The following SHROOM3 variants were observed in gnomAD, a reference collection of about 807,000 sequenced individuals.
SHROOM3 encodes protein Shroom3.
Under a neutral mutation model 138.6 loss-of-function variants are expected in SHROOM3, and 47 were observed. The ratio of observed to expected loss-of-function variants is 0.34; its 90% CI spans 0.27 to 0.43. The LOEUF is 0.43. Ranked by LOEUF, SHROOM3 falls within the 20% of genes least tolerant of loss-of-function variation. The pLI, the probability that SHROOM3 is intolerant of heterozygous loss-of-function variation, is 1.00. For synonymous variants in SHROOM3, 1,062 were observed against 1,063.3 expected, an observed-to-expected ratio of 1.00 and a Z score of 0.02; for missense variants, 2,491 against 2,596.5, an observed-to-expected ratio of 0.96 and a Z score of 0.88.
At chr4:76,746,290 C>T (rs952133279) in intron 5 of SHROOM3, among the ~76,000 whole-genome samples, 18 of 152,316 alleles carry the variant, frequency 1.2e-4, no homozygotes, top group African/African-American at 4.1e-4. Flanking sequence ...AGTCATGCAT[C>T]ATATAATGGT....
At chr4:76,771,469 T>C (rs1722355461) in intron 10 of SHROOM3, among the ~76,000 whole-genome samples, 1 of 152,104 alleles carries the variant, frequency 6.6e-6, no homozygotes, top group Admixed American at 6.5e-5. Flanking sequence ...CTCCCAACTG[T>C]CTTCCTTCCT....
At chr4:76,649,796 T>C (rs1223017747) in intron 2 of SHROOM3, among the ~76,000 whole-genome samples, 1 of 152,190 alleles carries the variant, frequency 6.6e-6, no homozygotes, top group Non-Finnish European at 1.5e-5. Context: ...TGATTGTAAT[T>C]AGCACAACCT....
In SHROOM3 at chr4:76,782,975, G is replaced by A. The variant is rs1722771157; in HGVS notation, c.*3798G>A. 1 of 152,128 alleles carries A rather than the reference G, an allele frequency of 6.6e-6. No homozygotes were observed. Among genetic ancestry groups the A allele is most frequent in the Non-Finnish European group, 1.5e-5 (1 of 68,022 alleles). 9.4% of individuals were successfully genotyped at this position (152,128 alleles called of 1,614,324 possible). On this transcript the variant is annotated 3_prime_UTR_variant, in exon 11 of 11. Transcript: ENST00000296043. ...ACTAAATAATGGTTTCTCAAAGTGT[G>A]GTCAGGATACGATCTGCATCAGAAT...
chr4:76,719,535 A>C (rs1208391523), intron 3 of SHROOM3, among the ~76,000 whole-genome samples: 4 of 152,242 alleles, frequency 2.6e-5, no homozygotes, highest in African/African-American at 9.6e-5. Context: ...TAGATATTAC[A>C]ATGTTTGCAT....
intron 3 of SHROOM3, among the ~76,000 whole-genome samples, chr4:76,726,871 T>C (rs1720719218): frequency 6.6e-6 from 1 of 152,170 alleles, no homozygotes; most frequent in Non-Finnish European, 1.5e-5. Context: ...GTGGAGCCTG[T>C]GGAATTTATC....
chr4:76,738,723 A>T (rs1417660737), intron 4 of SHROOM3, 38 bp from the exon 5 acceptor site: 3 of 1,611,412 alleles, frequency 1.9e-6, no homozygotes, highest in Non-Finnish European at 2.5e-6. Context: ...CTAAATGATA[A>T]CAGCTCAGTG....
chr4:76,725,355 T>A lies in SHROOM3; in HGVS notation c.456-5449T>A, dbSNP rs368031346. ...TTTTATCTGTACTGTAGGAATTATT[T>A]CATTTGCTCTTTCCTGCAGAATGTA... On this transcript the variant is annotated intron_variant, in intron 3 of 10. Transcript: ENST00000296043. Among the ~76,000 whole-genome samples the A allele has an allele frequency of 2.0e-5, 3 of 152,338 alleles. No homozygotes were observed. The East Asian group carries it at 5.8e-4, about 29-fold the overall frequency.
chr4:76,778,698 A>G (rs917707833), intron 10 of SHROOM3, 111 bp from the exon 11 acceptor site: 30 of 1,448,556 alleles, frequency 2.1e-5, no homozygotes, highest in Non-Finnish European at 2.7e-5. Context: ...GAGTGACAAT[A>G]GGAATAGAGC....
chr4:76,549,463 G>A (rs915380228), intron 1 of SHROOM3, among the ~76,000 whole-genome samples: 1 of 151,908 alleles, frequency 6.6e-6, no homozygotes, highest in African/African-American at 2.4e-5. Context: ...GTGCCTCCTG[G>A]GTTCAAATGA....
intron 1 of SHROOM3, among the ~76,000 whole-genome samples, chr4:76,540,423 T>G (rs1392341651): frequency 6.6e-6 from 1 of 152,156 alleles, no homozygotes; most frequent in African/African-American, 2.4e-5. Context: ...TACTAAAAAA[T>G]CATAAACTTT....
intron 2 of SHROOM3, among the ~76,000 whole-genome samples, chr4:76,673,498 A>C (rs1167277729): frequency 1.3e-5 from 2 of 152,280 alleles, no homozygotes; most frequent in African/African-American, 4.8e-5. Context: ...ATAAAGAGAA[A>C]GGATGTTTAA....
At chr4:76,451,599 C>T (rs776159752) in intron 1 of SHROOM3, among the ~76,000 whole-genome samples, 25 of 152,094 alleles carry the variant, frequency 1.6e-4, no homozygotes, top group Non-Finnish European at 2.9e-4. Context: ...TGTTCTATAT[C>T]TTAATAGTGA....
intron 1 of SHROOM3, among the ~76,000 whole-genome samples, chr4:76,541,622 G>GGT: frequency 7.2e-6 from 1 of 138,666 alleles, no homozygotes; most frequent in South Asian, 2.2e-4. Context: ...CACATATGTG[G>GGT]GCGCACACAC....
At chr4:76,618,804 T>TTTATAGC (rs1734937694) in intron 2 of SHROOM3, among the ~76,000 whole-genome samples, 1 of 152,216 alleles carries the variant, frequency 6.6e-6, no homozygotes, top group South Asian at 2.1e-4. Flanking sequence ...AATAATGTCC[T>TTTATAGC]TTATAGCTTA....
chr4:76,549,968 C>G (rs1733314115), intron 1 of SHROOM3, among the ~76,000 whole-genome samples: 1 of 152,122 alleles, frequency 6.6e-6, no homozygotes, highest in Non-Finnish European at 1.5e-5. Context: ...AATCCTGGCA[C>G]CAAGCAAACT....
At chr4:76,570,661 C>T (rs757721988) in intron 2 of SHROOM3, among the ~76,000 whole-genome samples, 11 of 152,246 alleles carry the variant, frequency 7.2e-5, no homozygotes, top group Admixed American at 6.5e-5. Context: ...TCTTTGCAAA[C>T]TTGTGGGTTT....
In SHROOM3 at chr4:76,741,445, A is replaced by G; in HGVS notation, c.3272A>G (p.Gln1091Arg). The G allele has an allele frequency of 1.3e-6, 2 of 1,585,488 alleles. No homozygotes were observed. The highest frequency in any genetic ancestry group is 2.3e-5 in the East Asian group (1 of 43,528). ...CAGAGCGCCCTGGCGGACTACATCC[A>G]GCGCAAGACCGGCAAGCGGCCTACC... is the stretch of plus-strand genomic sequence containing the variant. ...FQQSALADYI[Q>R]RKTGKRPTSA... The change falls in exon 5 of 11, where the codon CAG (glutamine) becomes CGG (arginine). Residue 1091 changes from glutamine (Q) to arginine (R), a missense_variant. Around this residue, in one of 4 missense-constraint regions of SHROOM3, gnomAD observed 1,733 missense variants for 1,661.6 expected, o/e 1.04. Coordinates refer to ENST00000296043, the MANE Select transcript of SHROOM3 (RefSeq NM_020859.4). The surrounding 1 kb of genome is among the most constrained non-coding windows in gnomAD (Gnocchi z 6.2).
chr4:76,677,439 C>G (rs1719070375), intron 2 of SHROOM3, among the ~76,000 whole-genome samples: 1 of 152,124 alleles, frequency 6.6e-6, no homozygotes, highest in Non-Finnish European at 1.5e-5. Context: ...TTCTATAAAA[C>G]AGGACTGATA....
intron 10 of SHROOM3, among the ~76,000 whole-genome samples, chr4:76,772,008 G>A (rs930427463): frequency 3.3e-5 from 5 of 152,070 alleles, no homozygotes; most frequent in East Asian, 3.9e-4. Flanking sequence ...CACAGTATGT[G>A]TGTGTATGTG....
Sources: gnomAD v4.1 joint callset for allele counts (sites outside exome capture counted in the v4.1 genomes callset) on GRCh38, gnomAD v4.1.1 for gene constraint, gnomAD v4.1.1 regional missense constraint, Gnocchi (gnomAD v3.1) non-coding constraint, MANE v1.5 for transcripts, NCBI Gene and HGNC (gene_info 2026-07-23, HGNC 2026-07-21) for gene names.